ANK3: variants seen among roughly 807,000 people sequenced by gnomAD.
ANK3 encodes ankyrin-3.
A neutral mutation model predicts 370.9 loss-of-function variants in ANK3; 57 were observed. The ratio of observed to expected loss-of-function variants is 0.15; its 90% CI spans 0.12 to 0.19. ANK3 has a LOEUF of 0.19. Among genes scored for constraint, ANK3 ranks in the 10% least tolerant of loss-of-function variants. The probability of loss-of-function intolerance (pLI) is 1.00; values close to 1 mark genes in which losing one functional copy is unlikely to be tolerated. For missense variants in ANK3, 4,439 were observed against 5,302.1 expected (o/e 0.84, Z 5.06); for synonymous variants, 1,929 against 1,946.3 (o/e 0.99, Z 0.23).
intron 2 of ANK3, among the ~76,000 whole-genome samples, chr10:60,452,471 T>C (rs1469490210): frequency 6.6e-6 from 1 of 152,226 alleles, no homozygotes; most frequent in Admixed American, 6.5e-5. Flanking sequence ...GTATTATTGA[T>C]ACCCTATCTT....
Position 60,367,419 on chromosome 10 carries a change from A to T in ANK3, c.114+22006T>A, listed in dbSNP as rs887335446. ...GGACTCTATGCTTTCTATGCCTAAAATGTCAAGCAAATGTTTGGCTTTGAA... is the reference window on the plus strand; with the variant it reads ...GGACTCTATGCTTTCTATGCCTAAATTGTCAAGCAAATGTTTGGCTTTGAA... On this transcript the variant is annotated intron_variant, in intron 1 of 43. Coordinates refer to ENST00000280772, the MANE Select transcript of ANK3 (RefSeq NM_020987.5). Among the ~76,000 whole-genome samples the T allele has an allele frequency of 3.3e-5, 5 of 152,244 alleles. No homozygotes were observed. The East Asian group carries it at 7.7e-4, about 23-fold the overall frequency.
At chr10:60,235,195 G>C (rs1002632776) in intron 7 of ANK3, among the ~76,000 whole-genome samples, 7 of 152,166 alleles carry the variant, frequency 4.6e-5, no homozygotes, top group Non-Finnish European at 8.8e-5. Flanking sequence ...ATGTGACTTG[G>C]AGCCTTTCCC....
At chr10:60,595,347 G>T (rs2077972457) in intron 2 of ANK3, among the ~76,000 whole-genome samples, 1 of 152,092 alleles carries the variant, frequency 6.6e-6, no homozygotes. Flanking sequence ...AGTTTGGCAG[G>T]CAGGGGGTTA....
At position 60,026,859 on chromosome 10, in the gene ANK3, C is replaced by CTCAA. The variant is rs1260169721; in HGVS notation, c.*2983_*2986dup. Reference sequence around the variant, plus strand: ...AAAAAACAGCAAATATCCAGAACTTCTCAATCATAATTCATTTTTTACAGT... The same window carrying CTCAA: ...AAAAAACAGCAAATATCCAGAACTTCTCAATCAATCATAATTCATTTTTTACAGT... On this transcript the variant is annotated 3_prime_UTR_variant, in exon 44 of 44. Transcript: ENST00000280772. 2.0e-5 allele frequency: 3 copies of CTCAA among 152,108 alleles called. No homozygotes were observed. Among genetic ancestry groups the CTCAA allele is most frequent in the African/African-American group, 7.2e-5 (3 of 41,418 alleles). The allele number at this position is 152,108 out of a possible 1,614,324, so 9.4% of individuals were successfully genotyped here. A position where few individuals can be genotyped will look rare whatever the true frequency, so the allele number is the denominator to read the frequency against.
intron 8 of ANK3, among the ~76,000 whole-genome samples, chr10:60,214,863 T>C (rs1237441368): frequency 6.6e-6 from 1 of 152,188 alleles, no homozygotes; most frequent in Non-Finnish European, 1.5e-5. Context: ...TTATATTCCT[T>C]TGGGTATATA....
chr10:60,198,250 G>A (rs754255243), intron 14 of ANK3, 90 bp downstream of exon 14: 2 of 1,290,690 alleles, frequency 1.5e-6, no homozygotes, highest in Non-Finnish European at 2.2e-6. Context: ...AGATGCTGTT[G>A]TGCAGCTTCT....
intron 2 of ANK3, among the ~76,000 whole-genome samples, chr10:60,417,791 G>T (rs1324312529): frequency 2.0e-5 from 3 of 152,050 alleles, no homozygotes; most frequent in African/African-American, 4.8e-5. Context: ...AAGAAAATGG[G>T]TACCAGTGTC....
chr10:60,233,098 T>A (rs555363974), intron 8 of ANK3, among the ~76,000 whole-genome samples: 3 of 152,302 alleles, frequency 2.0e-5, no homozygotes, highest in Admixed American at 1.3e-4. Flanking sequence ...AGAAAACCCG[T>A]GGCTAGAACT....
At chr10:60,485,948 TGA>T (rs1430416331) in intron 2 of ANK3, among the ~76,000 whole-genome samples, 1 of 151,504 alleles carries the variant, frequency 6.6e-6, no homozygotes, top group Non-Finnish European at 1.5e-5. Context: ...GATGAATGAA[TGA>T]GATGGAAAAA....
At chr10:60,188,409 G>T (rs1279681853) in intron 16 of ANK3, among the ~76,000 whole-genome samples, 3 of 152,120 alleles carry the variant, frequency 2.0e-5, no homozygotes, top group Non-Finnish European at 4.4e-5. Flanking sequence ...ATATGCTAAT[G>T]ACAAATCAGA....
intron 7 of ANK3, among the ~76,000 whole-genome samples, chr10:60,253,029 T>C (rs1482855302): frequency 6.6e-6 from 1 of 152,190 alleles, no homozygotes; most frequent in Non-Finnish European, 1.5e-5. Context: ...ATTGGACCCA[T>C]TATATGGATG....
At chr10:60,398,105 G>T (rs1354957772) in intron 2 of ANK3, among the ~76,000 whole-genome samples, 2 of 152,124 alleles carry the variant, frequency 1.3e-5, no homozygotes, top group African/African-American at 4.8e-5. Context: ...CTGTGAAAAA[G>T]CAACCAGAGA....
At chr10:60,594,489 T>A in intron 2 of ANK3, among the ~76,000 whole-genome samples, 1 of 152,190 alleles carries the variant, frequency 6.6e-6, no homozygotes, top group Non-Finnish European at 1.5e-5. Context: ...TCTTATTCTT[T>A]CAAAAATATA....
At position 60,534,796 on chromosome 10, in the gene ANK3, C is replaced by A. The variant is rs115426640; in HGVS notation, c.96+80390G>T. ...TGGCAATTTTCTATTTTCAAGTATG[C>A]GGAAAATGCATGTTTCTTATTACCA... On this transcript the variant is annotated intron_variant, in intron 2 of 43. Transcript: ENST00000373827. Among the ~76,000 whole-genome samples the A allele has an allele frequency of 4.8e-3, 723 of 152,186 alleles. 9 individuals carry two copies. The highest frequency in any genetic ancestry group is 0.016 in the African/African-American group (677 of 41,534).
chr10:60,178,556 A>G (rs2096048089), intron 18 of ANK3, among the ~76,000 whole-genome samples: 1 of 152,220 alleles, frequency 6.6e-6, no homozygotes, highest in Non-Finnish European at 1.5e-5. Context: ...TTGTTATTAT[A>G]ATACTATGAG....
chr10:60,309,742 C>T (rs1287571411), intron 1 of ANK3, among the ~76,000 whole-genome samples: 2 of 151,988 alleles, frequency 1.3e-5, no homozygotes, highest in African/African-American at 4.8e-5. Flanking sequence ...TATACCAATC[C>T]CTTTAAAAAT....
rs1235508221 is a variant in ANK3 at position 60,645,337 on chromosome 10, A to G, written c.58-30113T>C. Among the ~76,000 whole-genome samples the G allele has an allele frequency of 2.0e-5, 3 of 152,338 alleles. No homozygotes were observed. The East Asian group carries it at 5.8e-4, about 29-fold the overall frequency. On this transcript the variant is annotated intron_variant, in intron 1 of 43. Transcript: ENST00000373827. ...TTGTTATTCTAAAAATTGCATTTTG[A>G]CATGAGTAATTTTTCTCAGAATGAT...
At chr10:60,051,645 A>C (rs1211249564) in intron 42 of ANK3, 7 of 395,664 alleles carry the variant, frequency 1.8e-5, no homozygotes, top group Middle Eastern at 1.3e-3. Flanking sequence ...AAAGAATTAC[A>C]CTTACTTGAT....
At chr10:60,464,184 A>G (rs1159952703) in intron 2 of ANK3, among the ~76,000 whole-genome samples, 4 of 152,196 alleles carry the variant, frequency 2.6e-5, no homozygotes, top group African/African-American at 7.2e-5. Flanking sequence ...ATTCATTAGA[A>G]CAACTTCTAT....
Sources: allele counts gnomAD v4.1 joint callset (sites outside exome capture counted in the v4.1 genomes callset), GRCh38; gene constraint gnomAD v4.1.1; transcripts MANE v1.5; gene names NCBI Gene and HGNC (gene_info 2026-07-23, HGNC 2026-07-21).